AP1G1: variants seen among roughly 807,000 people sequenced by gnomAD.
The protein encoded by AP1G1 is AP-1 complex subunit gamma-1.
Under a neutral mutation model 108.3 loss-of-function variants are expected in AP1G1, and 7 were observed. That is an observed-to-expected ratio of 0.06 (90% CI 0.04 to 0.12). The LOEUF is 0.12. Ranked by LOEUF, AP1G1 falls within the 10% of genes least tolerant of loss-of-function variation. The probability of loss-of-function intolerance (pLI) is 1.00; values close to 1 mark genes in which losing one functional copy is unlikely to be tolerated. For missense variants in AP1G1, 756 were observed against 1,010.7 expected (o/e 0.75, Z 3.42); for synonymous variants, 379 against 353.5 (o/e 1.07, Z -0.81).
At chr16:71,801,312 T>C (rs563039008) in intron 1 of AP1G1, among the ~76,000 whole-genome samples, 9 of 143,788 alleles carry the variant, frequency 6.3e-5, no homozygotes, top group African/African-American at 2.3e-4. Flanking sequence ...AAAAGAATTA[T>C]ATTTACTGAC....
chr16:71,798,950 A>AT (rs1356233523), intron 1 of AP1G1, among the ~76,000 whole-genome samples: 10 of 152,064 alleles, frequency 6.6e-5, no homozygotes, highest in Admixed American at 2.0e-4. Flanking sequence ...ATAACAAAGA[A>AT]TTAACATTCC....
chr16:71,779,331 T>C (rs1259943365), intron 2 of AP1G1, among the ~76,000 whole-genome samples: 1 of 151,440 alleles, frequency 6.6e-6, no homozygotes, highest in Non-Finnish European at 1.5e-5. Context: ...AGTTTTTCTA[T>C]ATGACTCTCT....
At chr16:71,807,749 C>G in intron 1 of AP1G1, 1 of 1,190,054 alleles carries the variant, frequency 8.4e-7, no homozygotes, top group Non-Finnish European at 1.1e-6. Flanking sequence ...ACTAACTCCT[C>G]CCTTCTGTTA....
At chr16:71,808,122 T>C (rs2033060192) in intron 1 of AP1G1, 2 of 1,154,484 alleles carry the variant, frequency 1.7e-6, no homozygotes, top group Admixed American at 4.2e-5. Flanking sequence ...GGGAGAATTA[T>C]TAGACGCTGA....
At chr16:71,808,286 AGAG>A in intron 1 of AP1G1, 1 of 882,678 alleles carries the variant, frequency 1.1e-6, no homozygotes, top group Non-Finnish European at 1.5e-6. Flanking sequence ...TCCGGTTCCG[AGAG>A]GACGGCACTG....
At chr16:71,790,035 G>A (rs111420078) in intron 1 of AP1G1, among the ~76,000 whole-genome samples, 1 of 151,290 alleles carries the variant, frequency 6.6e-6, no homozygotes, top group African/African-American at 2.4e-5. Context: ...TTGAAAATGT[G>A]ATGAGAAAAA....
Position 71,744,174 on chromosome 16 carries a change from G to A in AP1G1, c.1999+970C>T, listed in dbSNP as rs911575408. ...CAGAAGAATCGCTTGAACCCGGGAG[G>A]CGGAGGTTGCAGTGAGTCGAGATCG... On this transcript the variant is annotated intron_variant, in intron 19 of 22. Transcript: ENST00000299980. Among the ~76,000 whole-genome samples, 11 of 152,140 alleles carry A rather than the reference G, an allele frequency of 7.2e-5. No homozygotes were observed. In the East Asian group the frequency reaches 2.1e-3, roughly 29 times the overall value.
intron 13 of AP1G1, 191 bp downstream of exon 13, chr16:71,753,642 C>A (rs933881123): frequency 4.9e-6 from 3 of 607,854 alleles, no homozygotes; most frequent in Non-Finnish European, 8.8e-6. Flanking sequence ...GCCCTATATC[C>A]CACCTTATCC....
Position 71,771,256 on chromosome 16 carries a change from T to TAAAA in AP1G1, c.469-5_469-4insTTTT. ...CATGAACAGCACACAGTGCTGCCTA[T>TAAAA]GAAAAAAAAAATAAAAGAACAAAAG... On this transcript the variant is annotated splice_region_variant and splice_polypyrimidine_tract_variant and intron_variant, in intron 4 of 22. Coordinates refer to ENST00000299980, the MANE Select transcript of AP1G1 (RefSeq NM_001128.6). 1 of 1,134,016 alleles carries TAAAA rather than the reference T, an allele frequency of 8.8e-7. No homozygotes were observed. Among genetic ancestry groups the TAAAA allele is most frequent in the Non-Finnish European group, 1.2e-6 (1 of 838,444 alleles). The allele number at this position is 1,134,016 out of a possible 1,614,324, so 70.2% of individuals were successfully genotyped here.
intron 21 of AP1G1, among the ~76,000 whole-genome samples, chr16:71,736,117 A>AAAAAAAAAAAT (rs1555550846): frequency 7.0e-4 from 50 of 71,630 alleles, no homozygotes; most frequent in South Asian, 1.1e-3. Flanking sequence ...AAAAAAAAAA[A>AAAAAAAAAAAT]ATATATATAT....
intron 11 of AP1G1, chr16:71,758,403 G>A (rs1482151049): frequency 1.9e-6 from 1 of 520,470 alleles, no homozygotes; most frequent in Non-Finnish European, 3.8e-6. Flanking sequence ...TGTGAAAAAC[G>A]TGTGCTGTCA....
At chr16:71,743,383 G>A (rs923563671) in intron 19 of AP1G1, 1 of 152,048 alleles carries the variant, frequency 6.6e-6, no homozygotes, top group Non-Finnish European at 1.5e-5. Flanking sequence ...TCAAGGTCAT[G>A]TGTGCTTTAA....
Position 71,745,530 on chromosome 16 carries a change from T to C in AP1G1, c.1815A>G (p.Thr605=), listed in dbSNP as rs767937108. 6.2e-7 allele frequency: 1 copy of C among 1,614,114 alleles called. No homozygotes were observed. The highest frequency in any genetic ancestry group is 8.5e-7 in the Non-Finnish European group (1 of 1,180,038). Reference sequence around the variant, plus strand: ...GTTTGGTCTCTAGTGGAGCTGGTTCTGTCTCTCCATTTGTCTGCACAATCT... The same window carrying C: ...GTTTGGTCTCTAGTGGAGCTGGTTCCGTCTCTCCATTTGTCTGCACAATCT... ...PTEIVQTNGE[T]EPAPLETKPP... is the part of the protein sequence containing the mutation. Residue 605 remains threonine, a synonymous_variant, in exon 18 of 23, where the codon ACA becomes ACG. Transcript: ENST00000299980.
intron 1 of AP1G1, among the ~76,000 whole-genome samples, chr16:71,796,575 G>C (rs908029494): frequency 1.3e-5 from 2 of 152,048 alleles, no homozygotes; most frequent in Non-Finnish European, 2.9e-5. Flanking sequence ...CAGTGTGTTT[G>C]ATTGGTCTCA....
chr16:71,756,201 G>C (rs772524746), intron 11 of AP1G1, 42 bp from the exon 12 acceptor site: 1 of 1,581,890 alleles, frequency 6.3e-7, no homozygotes, highest in Non-Finnish European at 8.6e-7. Context: ...GAAATTTATA[G>C]TGGAAATGAA....
At chr16:71,790,640 T>TA (rs1381872328) in intron 1 of AP1G1, among the ~76,000 whole-genome samples, 1 of 151,960 alleles carries the variant, frequency 6.6e-6, no homozygotes, top group Admixed American at 6.6e-5. Flanking sequence ...AGGAGCAAGA[T>TA]AGTCTTTCAA....
chr16:71,763,757 A>G (rs1433048161), intron 9 of AP1G1, among the ~76,000 whole-genome samples: 2 of 152,200 alleles, frequency 1.3e-5, no homozygotes, highest in Non-Finnish European at 2.9e-5. Context: ...ACTCTAGTAA[A>G]TTTGCTTTTT....
chr16:71,806,886 TAGAGG>T (rs1298435820), intron 1 of AP1G1, among the ~76,000 whole-genome samples: 6 of 152,196 alleles, frequency 3.9e-5, no homozygotes, highest in Non-Finnish European at 7.3e-5. Flanking sequence ...ATATGACCTA[TAGAGG>T]AATTTATCTA....
Position 71,745,186 on chromosome 16 carries a change from C to T in AP1G1, c.1957G>A (p.Gly653Ser), listed in dbSNP as rs751468480. The T allele has an allele frequency of 1.2e-6, 2 of 1,614,164 alleles. No individual in the cohort carries two copies. The highest frequency in any genetic ancestry group is 8.5e-7 in the Non-Finnish European group (1 of 1,180,026). ...CCCAGCAAATCAAGAAGTTCTCCAC[C>T]AGCAGAAGATGGTTTGCTTGTAGGC... is the stretch of plus-strand genomic sequence containing the variant. Reference protein sequence around the residue: ...TAPTSKPSSAGGELLDLLGDI... With the variant: ...TAPTSKPSSASGELLDLLGDI... Residue 653 changes from glycine to serine, a missense_variant, in exon 19 of 23, where the codon GGT (glycine) becomes AGT (serine). Transcript: ENST00000299980.
Sources: gnomAD v4.1 joint callset for allele counts (sites outside exome capture counted in the v4.1 genomes callset) on GRCh38, gnomAD v4.1.1 for gene constraint, MANE v1.5 for transcripts, NCBI Gene and HGNC (gene_info 2026-07-23, HGNC 2026-07-21) for gene names.